Variants in SYN3 observed in about 807,000 individuals in gnomAD.
The protein encoded by SYN3 is synapsin-3.
Under a neutral mutation model 65.8 loss-of-function variants are expected in SYN3, and 35 were observed. The observed-to-expected ratio is 0.53, with a 90% CI of 0.41 to 0.70. SYN3 has a LOEUF of 0.70. Among genes scored for constraint, SYN3 ranks in the 30% least tolerant of loss-of-function variants. SYN3 has a pLI of 0.00. For missense variants in SYN3, 680 were observed against 749.0 expected (o/e 0.91, Z 1.08); for synonymous variants, 270 against 292.9 (o/e 0.92, Z 0.80).
At chr22:32,824,645 T>C (rs1231921035) in intron 6 of SYN3, among the ~76,000 whole-genome samples, 3 of 152,218 alleles carry the variant, frequency 2.0e-5, no homozygotes, top group African/African-American at 4.8e-5. Flanking sequence ...AAATTCTCTG[T>C]ATACAAATAA....
chr22:32,529,082 TG>T (rs946547166), intron 10 of SYN3, 74 bp from the exon 11 acceptor site: 2 of 1,595,532 alleles, frequency 1.3e-6, no homozygotes, highest in African/African-American at 1.3e-5. Context: ...ATCCCAGAAG[TG>T]GGGGCTCAGG....
intron 6 of SYN3, chr22:32,849,521 T>C: frequency 6.2e-7 from 1 of 1,613,442 alleles, no homozygotes; most frequent in Middle Eastern, 1.7e-4. Flanking sequence ...GTCTACACCA[T>C]CAAGCAGATG....
chr22:32,777,005 A>C (rs5754267), intron 6 of SYN3, among the ~76,000 whole-genome samples: 12 of 151,834 alleles, frequency 7.9e-5, no homozygotes, highest in African/African-American at 2.7e-4. Flanking sequence ...CATGATCACT[A>C]GATGTCACGT....
intron 6 of SYN3, among the ~76,000 whole-genome samples, chr22:32,835,156 C>T (rs975327231): frequency 6.6e-5 from 10 of 152,168 alleles, no homozygotes; most frequent in African/African-American, 2.4e-4. Flanking sequence ...ATTGCACATA[C>T]TGGGTGACAG....
intron 2 of SYN3, among the ~76,000 whole-genome samples, chr22:32,988,133 G>A (rs1028294348): frequency 4.6e-5 from 7 of 151,524 alleles, no homozygotes; most frequent in African/African-American, 9.7e-5. Flanking sequence ...ATGGTGAAAC[G>A]CCATCTCTAC....
intron 1 of SYN3, among the ~76,000 whole-genome samples, chr22:33,050,093 G>A (rs1052623739): frequency 3.3e-5 from 5 of 152,024 alleles, no homozygotes; most frequent in Non-Finnish European, 7.4e-5. Flanking sequence ...CTAAGACAGG[G>A]AGTCTTTGTG....
chr22:32,786,376 A>G (rs890659846), intron 6 of SYN3, among the ~76,000 whole-genome samples: 1 of 150,722 alleles, frequency 6.6e-6, no homozygotes, highest in Non-Finnish European at 1.5e-5. Flanking sequence ...TCATGTCTGC[A>G]ACTTATTCTT....
chr22:32,776,518 T>C (rs1467670206), intron 6 of SYN3, among the ~76,000 whole-genome samples: 1 of 152,192 alleles, frequency 6.6e-6, no homozygotes, highest in Non-Finnish European at 1.5e-5. Flanking sequence ...AGAAGTGATG[T>C]AGCTTGCCTA....
rs1011482066 is a variant in SYN3, at chr22:32,596,824, T to C, written c.712-88A>G. The C allele has an allele frequency of 5.9e-6, 8 of 1,345,930 alleles. No individual in the cohort carries two copies. The South Asian group carries it at 6.2e-5, about 11-fold the overall frequency. The allele number at this position is 1,345,930 out of a possible 1,614,324, so 83.4% of individuals were successfully genotyped here. On this transcript the variant is annotated intron_variant, in intron 6 of 13. Coordinates refer to ENST00000358763, the MANE Select transcript of SYN3 (RefSeq NM_003490.4). ...GCTGCTTGTTCCATAGAAAGATCCA[T>C]TCATTTCATATGGTCGGGAATCCCC...
At chr22:32,964,197 G>GC (rs1397535913) in intron 3 of SYN3, among the ~76,000 whole-genome samples, 9 of 148,484 alleles carry the variant, frequency 6.1e-5, no homozygotes, top group Admixed American at 1.4e-4. Flanking sequence ...ACCAAACACC[G>GC]CATGTTCTCA....
chr22:32,717,117 A>G (rs2061050114), intron 6 of SYN3, among the ~76,000 whole-genome samples: 2 of 152,172 alleles, frequency 1.3e-5, no homozygotes, highest in South Asian at 2.1e-4. Context: ...CCTGCAAGGT[A>G]ACTATCTGCC....
At chr22:32,947,629 G>C (rs563537132) in intron 3 of SYN3, 1 of 152,342 alleles carries the variant, frequency 6.6e-6, no homozygotes, top group South Asian at 2.1e-4. Context: ...GTTTGTAGCT[G>C]GGACATGGAG....
rs1435937428 is a variant in SYN3, at chr22:32,687,030, C to T, written c.712-90294G>A. Among the ~76,000 whole-genome samples the T allele has an allele frequency of 5.9e-5, 9 of 152,236 alleles. No individual in the cohort carries two copies. The East Asian group carries it at 1.5e-3, about 26-fold the overall frequency. The stretch of plus-strand genomic sequence containing the variant: ...GAACTGACCATTGCAGTGCCATCAC[C>T]TCTCCCCTCCTATAGCTTTCTCCAT... On this transcript the variant is annotated intron_variant, in intron 6 of 13. Transcript: ENST00000358763.
chr22:32,971,305 C>T (rs1423277235), intron 3 of SYN3, among the ~76,000 whole-genome samples: 2 of 152,054 alleles, frequency 1.3e-5, no homozygotes, highest in Non-Finnish European at 2.9e-5. Flanking sequence ...TTTTTATCCC[C>T]CCAGCTGGTT....
intron 6 of SYN3, among the ~76,000 whole-genome samples, chr22:32,634,247 A>C (rs2059784438): frequency 6.6e-6 from 1 of 152,202 alleles, no homozygotes; most frequent in African/African-American, 2.4e-5. Context: ...TGTGGCTACA[A>C]AGCTGATAAA....
intron 3 of SYN3, among the ~76,000 whole-genome samples, chr22:32,956,339 A>T (rs1224560757): frequency 6.6e-6 from 1 of 151,910 alleles, no homozygotes; most frequent in Admixed American, 6.6e-5. Flanking sequence ...TATTTTTAGT[A>T]GAGACAGTGT....
intron 6 of SYN3, among the ~76,000 whole-genome samples, chr22:32,796,193 T>C (rs139462748): frequency 6.6e-6 from 1 of 152,322 alleles, no homozygotes; most frequent in East Asian, 1.9e-4. Flanking sequence ...ACTGCTTGAA[T>C]ATATGGTCAT....
intron 3 of SYN3, among the ~76,000 whole-genome samples, chr22:32,979,773 G>A (rs985602329): frequency 1.9e-4 from 29 of 152,250 alleles, no homozygotes; most frequent in African/African-American, 7.0e-4. Flanking sequence ...ATGAACACAG[G>A]CTGATGCTAT....
intron 6 of SYN3, among the ~76,000 whole-genome samples, chr22:32,795,940 C>G (rs1485825621): frequency 6.6e-6 from 1 of 152,176 alleles, no homozygotes; most frequent in African/African-American, 2.4e-5. Context: ...CCAGCCCAGT[C>G]TAACAGGAGA....
Sources: gnomAD v4.1 joint callset for allele counts (sites outside exome capture counted in the v4.1 genomes callset) on GRCh38, gnomAD v4.1.1 for gene constraint, MANE v1.5 for transcripts, NCBI Gene and HGNC (gene_info 2026-07-23, HGNC 2026-07-21) for gene names.